Variants in SEPTIN10 observed in about 807,000 individuals in gnomAD.
The protein encoded by SEPTIN10 is septin-10.
SEPTIN10 carries 66 observed loss-of-function variants against 54.8 expected under a neutral mutation model. The ratio of observed to expected loss-of-function variants is 1.21; its 90% CI spans 0.99 to 1.48. The LOEUF (loss-of-function observed/expected upper bound fraction) is 1.48. Among genes scored for constraint, SEPTIN10 ranks in the 40% most tolerant of loss-of-function variants. SEPTIN10 has a pLI of 0.00. For missense variants in SEPTIN10, 620 were observed against 545.6 expected (o/e 1.14, Z -1.36); for synonymous variants, 161 against 181.0 (o/e 0.89, Z 0.89).
chr2:109,613,793 C>A lies in SEPTIN10; in HGVS notation c.30+5G>T. ...GGCTGGGGCCCCGGCGTCGGCGGGACTCACCAGGTGCCGCGCCACCTCGGA... is the reference window on the plus strand; with the variant it reads ...GGCTGGGGCCCCGGCGTCGGCGGGAATCACCAGGTGCCGCGCCACCTCGGA... On this transcript the variant is annotated splice_donor_5th_base_variant and intron_variant, in intron 1 of 10. Coordinates refer to ENST00000397712, the MANE Select transcript of SEPTIN10 (RefSeq NM_144710.5). The A allele has an allele frequency of 2.4e-6, 3 of 1,230,004 alleles. No homozygotes were observed. Among genetic ancestry groups the A allele is most frequent in the Non-Finnish European group, 3.0e-6 (3 of 986,978 alleles). 76.2% of individuals were successfully genotyped at this position (1,230,004 alleles called of 1,614,324 possible). A position where few individuals can be genotyped will look rare whatever the true frequency, so the allele number is the denominator to read the frequency against.
At chr2:109,585,918 ACAAATATAT>A (rs1351271720) in intron 2 of SEPTIN10, 80 bp from the exon 3 acceptor site, 3 of 941,072 alleles carry the variant, frequency 3.2e-6, no homozygotes, top group East Asian at 5.1e-5. Flanking sequence ...CACTTGAAGG[ACAAATATAT>A]CAAATAAATG....
intron 10 of SEPTIN10, 173 bp downstream of exon 10, chr2:109,545,877 G>C (rs1444024799): frequency 2.1e-6 from 3 of 1,440,524 alleles, no homozygotes; most frequent in East Asian, 4.7e-5. Flanking sequence ...CTGGATGCTG[G>C]GGAAACAGCA....
intron 2 of SEPTIN10, among the ~76,000 whole-genome samples, chr2:109,587,165 T>A (rs544808727): frequency 6.6e-6 from 1 of 152,138 alleles, no homozygotes; most frequent in East Asian, 1.9e-4. Context: ...TGACGGGGAA[T>A]TACAGAAAGA....
chr2:109,550,602 C>T (rs554028225), intron 9 of SEPTIN10, among the ~76,000 whole-genome samples: 1 of 152,228 alleles, frequency 6.6e-6, no homozygotes, highest in Non-Finnish European at 1.5e-5. Flanking sequence ...GCGTGAGCCA[C>T]CACGCCCGGC....
intron 8 of SEPTIN10, among the ~76,000 whole-genome samples, chr2:109,557,462 T>C (rs976288872): frequency 2.0e-5 from 3 of 152,172 alleles, no homozygotes; most frequent in Non-Finnish European, 2.9e-5. Context: ...CAAAGAAACA[T>C]AGCTGAAAAG....
intron 10 of SEPTIN10, 122 bp downstream of exon 10, chr2:109,545,928 C>A (rs1681095918): frequency 6.9e-7 from 1 of 1,454,922 alleles, no homozygotes; most frequent in Non-Finnish European, 9.2e-7. Context: ...CAGGAGCTGA[C>A]ATTTAGTTGG....
At chr2:109,579,675 G>A (rs905330928) in intron 4 of SEPTIN10, among the ~76,000 whole-genome samples, 3 of 150,490 alleles carry the variant, frequency 2.0e-5, no homozygotes, top group Non-Finnish European at 4.4e-5. Context: ...GAGCCACCAC[G>A]CCCAGCCAGG....
intron 1 of SEPTIN10, among the ~76,000 whole-genome samples, chr2:109,612,882 T>A (rs1244917353): frequency 6.6e-6 from 1 of 152,226 alleles, no homozygotes; most frequent in Non-Finnish European, 1.5e-5. Flanking sequence ...TTTGGACGGA[T>A]CCTCTAATCT....
At chr2:109,601,765 T>TA (rs199504357) in intron 1 of SEPTIN10, among the ~76,000 whole-genome samples, 468 of 143,802 alleles carry the variant, frequency 3.3e-3, no homozygotes, top group African/African-American at 9.1e-3. Flanking sequence ...ACCCTGAAGT[T>TA]AAAAAAAAAA....
At chr2:109,584,282 G>A (rs1339089373) in intron 4 of SEPTIN10, among the ~76,000 whole-genome samples, 1 of 114,134 alleles carries the variant, frequency 8.8e-6, no homozygotes, top group African/African-American at 3.3e-5. Context: ...GTCGAGACCA[G>A]CCTGGCCAAC....
In SEPTIN10 at chr2:109,593,187, A is replaced by G. The variant is rs985947618; in HGVS notation, c.31-68T>C. The G allele has an allele frequency of 1.8e-5, 18 of 1,016,194 alleles. No homozygotes were observed. The South Asian group carries it at 2.5e-4, about 14-fold the overall frequency. The allele number at this position is 1,016,194 out of a possible 1,614,324, so 62.9% of individuals were successfully genotyped here. ...ACTCCCCAAACCCCATTATCTGAAT[A>G]ATATATTTACATGAATAAGGTGTTA... is the stretch of plus-strand genomic sequence containing the variant. On this transcript the variant is annotated intron_variant, in intron 1 of 10. Coordinates refer to ENST00000397712, the MANE Select transcript of SEPTIN10 (RefSeq NM_144710.5).
chr2:109,565,788 G>A lies in SEPTIN10; in HGVS notation c.834C>T (p.Arg278=). The change falls in exon 7 of 11, where the codon CGC becomes CGT. Residue 278 remains arginine, a synonymous_variant. Transcript: ENST00000397712. ...VKVGNKMVKA[R]QYPWGVVQVE... ...CTTGTACAACACCCCAAGGGTACTG[G>A]CGAGCTTTGACCATCTTGTTTCCGA... 1 of 1,613,912 alleles carries A rather than the reference G, an allele frequency of 6.2e-7. No individual in the cohort carries two copies. Among genetic ancestry groups the A allele is most frequent in the Non-Finnish European group, 8.5e-7 (1 of 1,179,930 alleles).
chr2:109,597,467 GA>G (rs1404194628), intron 1 of SEPTIN10, among the ~76,000 whole-genome samples: 1 of 152,186 alleles, frequency 6.6e-6, no homozygotes, highest in Admixed American at 6.5e-5. Context: ...CATGGTCCTG[GA>G]CCTTGTGACT....
intron 4 of SEPTIN10, among the ~76,000 whole-genome samples, chr2:109,582,030 G>A (rs1691264630): frequency 1.3e-5 from 2 of 151,150 alleles, no homozygotes; most frequent in Admixed American, 1.3e-4. Context: ...TATCAATAAT[G>A]GTCAAGCTGA....
rs774715161 is a variant in SEPTIN10, at chr2:109,567,790, A to G, written c.762+25T>C. 3 of 1,543,744 alleles carry G rather than the reference A, an allele frequency of 1.9e-6. No homozygotes were observed. The Admixed American group carries it at 5.9e-5, about 30-fold the overall frequency. On this transcript the variant is annotated intron_variant, in intron 6 of 10. Transcript: ENST00000397712. ...AGTTTTATTTTCACATGGAAAACAG[A>G]ATTAACATTCAATCAGGAGCTCACA...
chr2:109,590,309 A>G (rs906083088), intron 2 of SEPTIN10, among the ~76,000 whole-genome samples: 1 of 152,068 alleles, frequency 6.6e-6, no homozygotes, highest in African/African-American at 2.4e-5. Context: ...TTATTAAATC[A>G]AACGCTAACC....
At chr2:109,603,377 G>A (rs1697099657) in intron 1 of SEPTIN10, among the ~76,000 whole-genome samples, 1 of 151,950 alleles carries the variant, frequency 6.6e-6, no homozygotes, top group African/African-American at 2.4e-5. Context: ...TGGGACTACA[G>A]GCACACACCG....
intron 2 of SEPTIN10, among the ~76,000 whole-genome samples, chr2:109,586,290 G>A (rs1692517925): frequency 1.3e-5 from 2 of 152,182 alleles, no homozygotes; most frequent in African/African-American, 4.8e-5. Flanking sequence ...CTGCCTACTG[G>A]TAACAATTAC....
intron 4 of SEPTIN10, among the ~76,000 whole-genome samples, chr2:109,583,196 T>C (rs1470728246): frequency 1.3e-5 from 2 of 152,138 alleles, no homozygotes; most frequent in African/African-American, 2.4e-5. Context: ...AGCTTCTACA[T>C]AGCAAAACAA....
Sources: gnomAD v4.1 joint callset for allele counts (sites outside exome capture counted in the v4.1 genomes callset) on GRCh38, gnomAD v4.1.1 for gene constraint, MANE v1.5 for transcripts, NCBI Gene and HGNC (gene_info 2026-07-23, HGNC 2026-07-21) for gene names.